The following KCNIP3 variants were observed in gnomAD, a reference collection of about 807,000 sequenced individuals.
KCNIP3 encodes calsenilin.
Under a neutral mutation model 35.0 loss-of-function variants are expected in KCNIP3, and 28 were observed. The ratio of observed to expected loss-of-function variants is 0.80; its 90% CI spans 0.59 to 1.10. KCNIP3 has a LOEUF of 1.10. Among genes scored for constraint, KCNIP3 ranks in the 50% least tolerant of loss-of-function variants. The probability of loss-of-function intolerance (pLI) is 0.00; values close to 1 mark genes in which losing one functional copy is unlikely to be tolerated. For missense variants in KCNIP3, 295 were observed against 338.4 expected, an observed-to-expected ratio of 0.87 and a Z score of 1.01; for synonymous variants, 134 against 133.8, an observed-to-expected ratio of 1.00 and a Z score of -0.01.
intron 1 of KCNIP3, among the ~76,000 whole-genome samples, chr2:95,307,006 G>C (rs546873508): frequency 2.6e-5 from 4 of 152,278 alleles, no homozygotes; most frequent in African/African-American, 9.6e-5. Context: ...ATGAGTCCCA[G>C]CTTCCCAGGC....
At chr2:95,369,642 T>G (rs1679996185) in intron 2 of KCNIP3, among the ~76,000 whole-genome samples, 1 of 152,264 alleles carries the variant, frequency 6.6e-6, no homozygotes, top group South Asian at 2.1e-4. Context: ...TCAATTTATT[T>G]TTTTTTGAGC....
chr2:95,322,479 T>G (rs1260664707), intron 2 of KCNIP3, among the ~76,000 whole-genome samples: 1 of 152,158 alleles, frequency 6.6e-6, no homozygotes, highest in Non-Finnish European at 1.5e-5. Context: ...CCTGGACAAG[T>G]TGCTGGGTCT....
chr2:95,339,397 C>A (rs186217667), intron 2 of KCNIP3, among the ~76,000 whole-genome samples: 19 of 151,896 alleles, frequency 1.3e-4, no homozygotes, highest in Admixed American at 1.2e-3. Context: ...CTGGCCAACA[C>A]GGTGAAACCC....
chr2:95,342,397 T>C (rs568130059), intron 2 of KCNIP3, among the ~76,000 whole-genome samples: 6 of 152,334 alleles, frequency 3.9e-5, no homozygotes, highest in African/African-American at 1.4e-4. Context: ...ACATAGTAAG[T>C]GCTTTAGCTG....
chr2:95,302,068 G>T (rs906669630), intron 1 of KCNIP3, among the ~76,000 whole-genome samples: 1 of 152,132 alleles, frequency 6.6e-6, no homozygotes, highest in Non-Finnish European at 1.5e-5. Context: ...ATACCCTGGG[G>T]CCTGCACGAC....
chr2:95,381,166 A>G (rs1680327725), intron 5 of KCNIP3, among the ~76,000 whole-genome samples: 1 of 152,198 alleles, frequency 6.6e-6, no homozygotes, highest in African/African-American at 2.4e-5. Flanking sequence ...AAATGGGTCT[A>G]GGACACCATA....
At chr2:95,315,549 A>G (rs778735496) in intron 2 of KCNIP3, among the ~76,000 whole-genome samples, 1 of 152,110 alleles carries the variant, frequency 6.6e-6, no homozygotes, top group Non-Finnish European at 1.5e-5. Context: ...TGACCCCTGA[A>G]CTAATGGTTA....
chr2:95,366,731 A>G (rs1679927930), intron 2 of KCNIP3, among the ~76,000 whole-genome samples: 1 of 152,200 alleles, frequency 6.6e-6, no homozygotes, highest in South Asian at 2.1e-4. Flanking sequence ...TCTCATAGGT[A>G]TATAGCAGTA....
intron 2 of KCNIP3, among the ~76,000 whole-genome samples, chr2:95,354,334 G>GT: frequency 6.6e-6 from 1 of 152,370 alleles, no homozygotes; most frequent in South Asian, 2.1e-4. Context: ...TTCAGTAAAT[G>GT]TAAGTTATAT....
chr2:95,375,401 G>A (rs964673373), intron 5 of KCNIP3, among the ~76,000 whole-genome samples, 193 bp downstream of exon 5: 3 of 152,022 alleles, frequency 2.0e-5, no homozygotes, highest in South Asian at 4.2e-4. Flanking sequence ...ACTTTGCTGG[G>A]CCGGCACCAC....
intron 1 of KCNIP3, among the ~76,000 whole-genome samples, chr2:95,302,717 G>A (rs533819393): frequency 1.3e-5 from 2 of 152,286 alleles, no homozygotes; most frequent in South Asian, 4.1e-4. Context: ...CACCGAGCTG[G>A]GAAGCGAGGG....
At chr2:95,352,446 C>G (rs547381180) in intron 2 of KCNIP3, among the ~76,000 whole-genome samples, 1 of 152,074 alleles carries the variant, frequency 6.6e-6, no homozygotes, top group Admixed American at 6.6e-5. Context: ...AGGCTGCTGA[C>G]GAGCTGGTTG....
At position 95,323,810 on chromosome 2, in the gene KCNIP3, G is replaced by T. The variant is rs560350540; in HGVS notation, c.181+13290G>T. ...TGGTCCCTAGGGCCCCGCAGGCCTTGGGGTGGCAGTGGCCTTGTCCCATGT... is the reference window on the plus strand; with the variant it reads ...TGGTCCCTAGGGCCCCGCAGGCCTTTGGGTGGCAGTGGCCTTGTCCCATGT... On this transcript the variant is annotated intron_variant, in intron 2 of 8. Coordinates refer to ENST00000295225, the MANE Select transcript of KCNIP3 (RefSeq NM_013434.5). Among the ~76,000 whole-genome samples the T allele has an allele frequency of 1.7e-3, 258 of 152,306 alleles. 1 individual carries two copies. The highest frequency in any genetic ancestry group is 4.7e-3 in the African/African-American group (194 of 41,568).
chr2:95,363,824 T>A (rs540393326), intron 2 of KCNIP3, among the ~76,000 whole-genome samples: 2 of 152,334 alleles, frequency 1.3e-5, no homozygotes, highest in East Asian at 1.9e-4. Context: ...TTGGTATTTT[T>A]AATTATATTT....
At chr2:95,314,956 G>T (rs1678415592) in intron 2 of KCNIP3, among the ~76,000 whole-genome samples, 1 of 152,190 alleles carries the variant, frequency 6.6e-6, no homozygotes, top group African/African-American at 2.4e-5. Flanking sequence ...CGCAACGGCT[G>T]CCAGAACCAG....
chr2:95,366,636 T>G lies in KCNIP3; in HGVS notation c.182-7660T>G, dbSNP rs574364743. On this transcript the variant is annotated intron_variant, in intron 2 of 8. Coordinates refer to ENST00000295225, the MANE Select transcript of KCNIP3 (RefSeq NM_013434.5). ...GCATGGCAGTACCACTTCTCTCTCC[T>G]GCCAGCAACATATAGTGGTTCCCGT... Among the ~76,000 whole-genome samples the G allele has an allele frequency of 9.8e-5, 15 of 152,322 alleles. No homozygotes were observed. The South Asian group carries it at 3.1e-3, about 32-fold the overall frequency.
intron 2 of KCNIP3, among the ~76,000 whole-genome samples, chr2:95,343,872 C>A (rs1679278676): frequency 6.6e-6 from 1 of 152,094 alleles, no homozygotes; most frequent in Non-Finnish European, 1.5e-5. Flanking sequence ...GGTGCCTGTC[C>A]AGGTTTGGAG....
intron 2 of KCNIP3, among the ~76,000 whole-genome samples, chr2:95,333,033 C>T (rs931405132): frequency 5.5e-3 from 1 of 182 alleles, no homozygotes; most frequent in African/African-American, 0.019. Flanking sequence ...GTGACAGCCT[C>T]TGCTGGGCCT....
At position 95,384,057 on chromosome 2, in the gene KCNIP3, C is replaced by A; in HGVS notation, c.*8C>A. The A allele has an allele frequency of 6.2e-7, 1 of 1,613,524 alleles. No homozygotes were observed. The highest frequency in any genetic ancestry group is 1.1e-5 in the South Asian group (1 of 91,068). ...TTTGAGAATGTCATCTAGGACACGT[C>A]CAAAGGAGTGCATGGCCACAGCCAC... On this transcript the variant is annotated 3_prime_UTR_variant, in exon 9 of 9. Coordinates refer to ENST00000295225, the MANE Select transcript of KCNIP3 (RefSeq NM_013434.5).
Sources: gnomAD v4.1 joint callset for allele counts (sites outside exome capture counted in the v4.1 genomes callset) on GRCh38, gnomAD v4.1.1 for gene constraint, MANE v1.5 for transcripts, NCBI Gene and HGNC (gene_info 2026-07-23, HGNC 2026-07-21) for gene names.